The following ADARB2 variants were observed in gnomAD, a reference collection of about 807,000 sequenced individuals.
The protein encoded by ADARB2 is adenosine deaminase RNA specific B2 (inactive).
ADARB2 carries 25 observed loss-of-function variants against 62.2 expected under a neutral mutation model. The observed-to-expected ratio is 0.40, with a 90% CI of 0.29 to 0.56. The LOEUF (loss-of-function observed/expected upper bound fraction) is 0.56, where lower values mean the gene tolerates loss of function less well. ADARB2 is among the 20% of genes least tolerant of loss of function. ADARB2 has a pLI of 0.43. For synonymous variants in ADARB2, 572 were observed against 500.8 expected (o/e 1.14, Z -1.90); for missense variants, 1,071 against 1,077.4 (o/e 0.99, Z 0.08).
chr10:1,613,972 T>C (rs1833601070), intron 1 of ADARB2, among the ~76,000 whole-genome samples: 1 of 152,258 alleles, frequency 6.6e-6, no homozygotes, highest in South Asian at 2.1e-4. Flanking sequence ...AAAAGCCAGA[T>C]AATAACTTTG....
At chr10:1,614,831 A>G (rs1165977524) in intron 1 of ADARB2, among the ~76,000 whole-genome samples, 1 of 152,100 alleles carries the variant, frequency 6.6e-6, no homozygotes, top group Non-Finnish European at 1.5e-5. Context: ...GAATGGCGTG[A>G]ACCTGGGAGG....
intron 1 of ADARB2, among the ~76,000 whole-genome samples, chr10:1,465,868 C>T (rs769771431): frequency 2.6e-5 from 4 of 152,342 alleles, no homozygotes; most frequent in South Asian, 2.1e-4. Context: ...CCATCAGCCG[C>T]GCTGACTCGT....
At chr10:1,473,926 G>A (rs553822392) in intron 1 of ADARB2, among the ~76,000 whole-genome samples, 15 of 152,360 alleles carry the variant, frequency 9.8e-5, no homozygotes, top group African/African-American at 2.9e-4. Context: ...GGCCGATTAC[G>A]GAGGAGCCCT....
intron 1 of ADARB2, chr10:1,534,793 C>G (rs4880861): frequency 0.32 from 52,608 of 166,960 alleles, 9,356 homozygotes; most frequent in East Asian, 0.6. Flanking sequence ...GATTTGATAT[C>G]TGCTTCCCTT....
intron 3 of ADARB2, among the ~76,000 whole-genome samples, chr10:1,357,409 C>T (rs529990570): frequency 2.0e-4 from 30 of 152,292 alleles, no homozygotes; most frequent in African/African-American, 4.6e-4. Context: ...CCTCTTCCCA[C>T]GGGACCCTCC....
At chr10:1,290,731 A>G (rs532562717) in intron 3 of ADARB2, 2 of 152,360 alleles carry the variant, frequency 1.3e-5, no homozygotes, top group South Asian at 4.1e-4. Context: ...AGTCGTCCAC[A>G]GTTTCCTAAA....
intron 1 of ADARB2, among the ~76,000 whole-genome samples, chr10:1,613,460 C>A (rs75102387): frequency 1.1e-3 from 165 of 152,278 alleles, no homozygotes; most frequent in African/African-American, 3.8e-3. Context: ...GATTTCAAAG[C>A]GAATTTGAAA....
At chr10:1,572,219 A>G (rs1261812963) in intron 1 of ADARB2, among the ~76,000 whole-genome samples, 4 of 134,668 alleles carry the variant, frequency 3.0e-5, no homozygotes, top group South Asian at 2.5e-4. Flanking sequence ...AGGTGAGTGT[A>G]CAAGTGAGTA....
intron 1 of ADARB2, among the ~76,000 whole-genome samples, chr10:1,462,612 T>C (rs1317798742): frequency 6.7e-6 from 1 of 149,186 alleles, no homozygotes; most frequent in African/African-American, 2.6e-5. Flanking sequence ...TGTGTGTATG[T>C]GCCTGTGTGT....
chr10:1,577,054 T>A (rs1741700232), intron 1 of ADARB2, among the ~76,000 whole-genome samples: 1 of 152,126 alleles, frequency 6.6e-6, no homozygotes, highest in Admixed American at 6.5e-5. Context: ...TTGAACAGAT[T>A]CAGTGCAGTT....
chr10:1,248,531 A>C (rs539092885), intron 4 of ADARB2, among the ~76,000 whole-genome samples: 1 of 152,302 alleles, frequency 6.6e-6, no homozygotes, highest in African/African-American at 2.4e-5. Flanking sequence ...GGCCATTCTC[A>C]GGAGGAGGCT....
chr10:1,209,288 A>G (rs12779001), intron 7 of ADARB2, among the ~76,000 whole-genome samples: 147,692 of 148,748 alleles, frequency 0.99, 73,319 homozygotes, highest in Non-Finnish European at 1. Context: ...CGCCTACACC[A>G]TCACCCATGC....
At chr10:1,220,833 A>C (rs1039769492) in intron 6 of ADARB2, among the ~76,000 whole-genome samples, 1 of 152,244 alleles carries the variant, frequency 6.6e-6, no homozygotes, top group Non-Finnish European at 1.5e-5. Context: ...TAATGCCATG[A>C]CAACAGGGAG....
chr10:1,718,610 C>A (rs567313999), intron 1 of ADARB2, among the ~76,000 whole-genome samples: 2 of 152,072 alleles, frequency 1.3e-5, no homozygotes, highest in Non-Finnish European at 2.9e-5. Context: ...AGACAGGGAG[C>A]GGCGTTTAGA....
At chr10:1,476,462 G>C (rs545279768) in intron 1 of ADARB2, among the ~76,000 whole-genome samples, 1 of 152,330 alleles carries the variant, frequency 6.6e-6, no homozygotes, top group South Asian at 2.1e-4. Context: ...CAGTTCTTGG[G>C]GGATAAATTC....
intron 1 of ADARB2, among the ~76,000 whole-genome samples, chr10:1,676,905 G>A (rs771317736): frequency 7.2e-5 from 11 of 152,172 alleles, no homozygotes; most frequent in Non-Finnish European, 5.9e-5. Context: ...AGACCTCATG[G>A]GTCACTGTGG....
chr10:1,558,407 C>T (rs575851372), intron 1 of ADARB2, among the ~76,000 whole-genome samples: 2 of 140,876 alleles, frequency 1.4e-5, no homozygotes, highest in Admixed American at 1.4e-4. Flanking sequence ...ACCTCTGCCC[C>T]CCTCCGTGGG....
At chr10:1,440,478 C>T (rs1830892615) in intron 1 of ADARB2, among the ~76,000 whole-genome samples, 1 of 148,348 alleles carries the variant, frequency 6.7e-6, no homozygotes, top group African/African-American at 2.5e-5. Context: ...TCAGAGATTG[C>T]TTTTTGGAGC....
chr10:1,584,328 A>T (rs1258699208), intron 1 of ADARB2, among the ~76,000 whole-genome samples: 1 of 149,200 alleles, frequency 6.7e-6, no homozygotes, highest in Non-Finnish European at 1.5e-5. Context: ...ATGGCAAATC[A>T]ACCTATGAAA....
Sources: gnomAD v4.1 joint callset for allele counts (sites outside exome capture counted in the v4.1 genomes callset) on GRCh38, gnomAD v4.1.1 for gene constraint, MANE v1.5 for transcripts, NCBI Gene and HGNC (gene_info 2026-07-23, HGNC 2026-07-21) for gene names.